Variants in LRBA observed in about 807,000 individuals in gnomAD.
LRBA encodes the protein LPS responsive beige-like anchor protein.
A neutral mutation model predicts 330.0 loss-of-function variants in LRBA; 176 were observed. The ratio of observed to expected loss-of-function variants is 0.53; its 90% CI spans 0.47 to 0.60. The LOEUF is 0.60. Among genes scored for constraint, LRBA ranks in the 20% least tolerant of loss-of-function variants. LRBA has a pLI of 0.00. For missense variants in LRBA, 3,259 were observed against 3,444.8 expected (o/e 0.95, Z 1.35); for synonymous variants, 1,230 against 1,193.0 (o/e 1.03, Z -0.64).
chr4:150,791,223 T>G (rs905881112), intron 34 of LRBA, among the ~76,000 whole-genome samples: 1 of 152,160 alleles, frequency 6.6e-6, no homozygotes, highest in Non-Finnish European at 1.5e-5. Context: ...TAGCGGGGAT[T>G]ACAGTTGCAA....
chr4:150,428,967 T>C (rs1750009834), intron 46 of LRBA, among the ~76,000 whole-genome samples: 1 of 152,146 alleles, frequency 6.6e-6, no homozygotes, highest in Non-Finnish European at 1.5e-5. Flanking sequence ...TCAATACATA[T>C]TTAATTTAGT....
chr4:150,400,115 C>T (rs971598242), intron 47 of LRBA, among the ~76,000 whole-genome samples: 6 of 152,130 alleles, frequency 3.9e-5, no homozygotes, highest in African/African-American at 1.2e-4. Context: ...TGTTACTGGA[C>T]TATAGTTTTC....
At chr4:150,564,802 G>C (rs999500895) in intron 40 of LRBA, among the ~76,000 whole-genome samples, 2 of 152,172 alleles carry the variant, frequency 1.3e-5, no homozygotes, top group Non-Finnish European at 2.9e-5. Flanking sequence ...CTGATCACTA[G>C]AGAAATGCAA....
chr4:150,905,762 C>G (rs1731258979), intron 13 of LRBA, 76 bp downstream of exon 13: 45 of 1,285,880 alleles, frequency 3.5e-5, no homozygotes, highest in Non-Finnish European at 4.6e-5. Flanking sequence ...AAAGAAAATC[C>G]TCTTAATTAT....
At chr4:150,935,192 A>G (rs1734965471) in intron 2 of LRBA, among the ~76,000 whole-genome samples, 1 of 145,018 alleles carries the variant, frequency 6.9e-6, no homozygotes, top group Admixed American at 7.0e-5. Flanking sequence ...AAAAAAAAAA[A>G]GAAGAAAAGA....
At chr4:150,758,675 G>A (rs1056486937) in intron 35 of LRBA, among the ~76,000 whole-genome samples, 1 of 150,184 alleles carries the variant, frequency 6.7e-6, no homozygotes. Context: ...CTGGGCTCAA[G>A]TGATCCTCCT....
chr4:150,652,134 C>A (rs928979615), intron 37 of LRBA, among the ~76,000 whole-genome samples: 2 of 152,130 alleles, frequency 1.3e-5, no homozygotes, highest in Non-Finnish European at 2.9e-5. Context: ...CTACGCGGGG[C>A]ACCAATATCA....
intron 37 of LRBA, among the ~76,000 whole-genome samples, chr4:150,653,912 G>A (rs1463489087): frequency 6.6e-6 from 1 of 151,902 alleles, no homozygotes; most frequent in East Asian, 1.9e-4. Flanking sequence ...AAAATTATTA[G>A]AATTAAGTTC....
chr4:150,784,527 G>A (rs1171415344), intron 34 of LRBA, among the ~76,000 whole-genome samples: 1 of 152,126 alleles, frequency 6.6e-6, no homozygotes, highest in Non-Finnish European at 1.5e-5. Flanking sequence ...TAGGGTGGGA[G>A]GCCCAGCCTT....
intron 46 of LRBA, among the ~76,000 whole-genome samples, chr4:150,433,270 T>C (rs1481126041): frequency 2.0e-5 from 3 of 152,126 alleles, no homozygotes. Flanking sequence ...CTTTTTTATT[T>C]TTTTTACAGG....
chr4:150,723,124 G>A (rs940630014), intron 36 of LRBA, among the ~76,000 whole-genome samples: 3 of 152,068 alleles, frequency 2.0e-5, no homozygotes, highest in Non-Finnish European at 4.4e-5. Context: ...AGGAAGTCTA[G>A]GACACAAGGA....
intron 2 of LRBA, among the ~76,000 whole-genome samples, chr4:150,950,162 T>C (rs957135600): frequency 2.6e-5 from 4 of 152,176 alleles, no homozygotes; most frequent in Admixed American, 1.3e-4. Context: ...TGTTCTTTAA[T>C]AGCTTGCTGG....
chr4:150,812,291 T>C (rs1388205855), intron 31 of LRBA, among the ~76,000 whole-genome samples: 1 of 152,226 alleles, frequency 6.6e-6, no homozygotes, highest in Admixed American at 6.5e-5. Flanking sequence ...TATCTTTTCC[T>C]TATCCTAGCA....
intron 33 of LRBA, among the ~76,000 whole-genome samples, chr4:150,799,745 C>CATAT (rs557610105): frequency 6.6e-6 from 1 of 151,964 alleles, no homozygotes; most frequent in Non-Finnish European, 1.5e-5. Flanking sequence ...CATACATATA[C>CATAT]ATATATATAT....
At chr4:150,781,172 C>A (rs535739895) in intron 34 of LRBA, among the ~76,000 whole-genome samples, 1 of 152,172 alleles carries the variant, frequency 6.6e-6, no homozygotes, top group Non-Finnish European at 1.5e-5. Flanking sequence ...AGCCACCACG[C>A]CCGGCCGTGC....
chr4:150,275,377 G>A (rs192405231), intron 56 of LRBA, among the ~76,000 whole-genome samples: 18 of 152,228 alleles, frequency 1.2e-4, no homozygotes, highest in African/African-American at 4.1e-4. Flanking sequence ...ACAAGACAAG[G>A]ATATACCCTC....
rs143004473 is a variant in LRBA, at chr4:150,621,845, C to T, written c.5922-22714G>A. On this transcript the variant is annotated intron_variant, in intron 37 of 56. Coordinates refer to ENST00000651943, the MANE Select transcript of LRBA (RefSeq NM_001364905.1). ...AAATACAACTATTTGTGCAGTTGTG[C>T]GATGTCTTAGCTTGTACTGAGGGCA... Among the ~76,000 whole-genome samples, 5 of 152,150 alleles carry T rather than the reference C, an allele frequency of 3.3e-5. No homozygotes were observed. In the East Asian group the frequency reaches 5.8e-4, roughly 18 times the overall value.
chr4:150,813,154 T>G (rs1744020221), intron 31 of LRBA, among the ~76,000 whole-genome samples: 2 of 86,348 alleles, frequency 2.3e-5, no homozygotes. Context: ...ACAGACCCTG[T>G]CTCAATTAAA....
At chr4:150,933,179 G>T (rs2149515255) in intron 2 of LRBA, among the ~76,000 whole-genome samples, 1 of 151,818 alleles carries the variant, frequency 6.6e-6, no homozygotes, top group East Asian at 2.0e-4. Context: ...CTTGAGGTCA[G>T]GAGTTCAAGA....
Sources: gnomAD v4.1 joint callset for allele counts (sites outside exome capture counted in the v4.1 genomes callset) on GRCh38, gnomAD v4.1.1 for gene constraint, MANE v1.5 for transcripts, NCBI Gene and HGNC (gene_info 2026-07-23, HGNC 2026-07-21) for gene names.